Variants in METTL6 observed in about 807,000 individuals in gnomAD.
METTL6 encodes the protein tRNA N(3)-cytidine methyltransferase METTL6.
METTL6 carries 22 observed loss-of-function variants against 26.4 expected under a neutral mutation model. That is an observed-to-expected ratio of 0.83 (90% confidence interval 0.59 to 1.19). The LOEUF (loss-of-function observed/expected upper bound fraction) is 1.19. METTL6 is among the 50% of genes most tolerant of loss of function. METTL6 has a pLI of 0.00. For missense variants in METTL6, 304 were observed against 324.8 expected (o/e 0.94, Z 0.49); for synonymous variants, 109 against 116.2 (o/e 0.94, Z 0.40).
exon 7 of METTL6, chr3:15,383,379 T>A (rs1157714509): frequency 1.3e-5 from 2 of 151,988 alleles, no homozygotes; most frequent in East Asian, 3.9e-4. Flanking sequence ...ATAATGAATT[T>A]TTTAAATTAC....
chr3:15,415,089 C>A (rs1042968689), intron 4 of METTL6, among the ~76,000 whole-genome samples: 5 of 152,186 alleles, frequency 3.3e-5, no homozygotes, highest in African/African-American at 1.2e-4. Flanking sequence ...CGTTTTGGCT[C>A]TTTACTGATT....
At chr3:15,420,005 G>A (rs1162128707) in intron 3 of METTL6, among the ~76,000 whole-genome samples, 1 of 151,898 alleles carries the variant, frequency 6.6e-6, no homozygotes, top group Non-Finnish European at 1.5e-5. Context: ...GGGACTACAG[G>A]CGCCCGCCAC....
In METTL6 at chr3:15,415,778, A is replaced by T; in HGVS notation, c.525T>A (p.Ile175=). 6.2e-7 allele frequency: 1 copy of T among 1,613,606 alleles called. No homozygotes were observed. Among genetic ancestry groups the T allele is most frequent in the South Asian group, 1.1e-5 (1 of 90,912 alleles). ...PDKMHLVLQN[I]YKVLKPGKSV... ...CAGGCCCCAAATCACTAACCTTGTA[A>T]ATGTTTTGTAAGACAAGGTGCATCT... The change falls in exon 4 of 6, where the codon ATT becomes ATA. Residue 175 remains isoleucine, a synonymous_variant. Transcript: ENST00000383790.
At chr3:15,403,152 A>AT (rs992138353) in intron 6 of METTL6, among the ~76,000 whole-genome samples, 1 of 152,064 alleles carries the variant, frequency 6.6e-6, no homozygotes, top group Admixed American at 6.6e-5. Context: ...GGCTTTTAAA[A>AT]TTTTTTTGTA....
At chr3:15,396,805 T>C (rs1374541487) in intron 6 of METTL6, among the ~76,000 whole-genome samples, 5 of 152,174 alleles carry the variant, frequency 3.3e-5, no homozygotes, top group Admixed American at 2.6e-4. Flanking sequence ...ACAGTGGATA[T>C]TGGTGAACAG....
chr3:15,384,315 T>TAA, intron 6 of METTL6: 4 of 207,142 alleles, frequency 1.9e-5, no homozygotes, highest in South Asian at 5.3e-5. Context: ...AGCTCCGCAT[T>TAA]AAAAAAAAAT....
intron 6 of METTL6, chr3:15,384,379 T>G: frequency 5.7e-6 from 1 of 175,792 alleles, no homozygotes; most frequent in Non-Finnish European, 1.2e-5. Flanking sequence ...CTAATAAAGA[T>G]AGAGACCAAA....
At chr3:15,385,018 T>C (rs1256678252) in intron 6 of METTL6, among the ~76,000 whole-genome samples, 1 of 152,180 alleles carries the variant, frequency 6.6e-6, no homozygotes, top group Non-Finnish European at 1.5e-5. Flanking sequence ...GCAAAATTTA[T>C]CAGGTCCAGA....
In METTL6 at chr3:15,392,673, A is replaced by G. The variant is rs142802919; in HGVS notation, c.*12-8486T>C. Among the ~76,000 whole-genome samples, 688 of 152,354 alleles carry G rather than the reference A, an allele frequency of 4.5e-3. 2 individuals carry two copies. Among genetic ancestry groups the G allele is most frequent in the Non-Finnish European group, 8.4e-3 (569 of 68,030 alleles). ...TAATCCATCTTGAATTAATTTTAGT[A>G]TAAGGAATAAGGAAGGGATCCAGTT... On this transcript the variant is annotated intron_variant, in intron 6 of 6. Transcript: ENST00000443029.
intron 6 of METTL6, among the ~76,000 whole-genome samples, chr3:15,389,506 G>A (rs1472692968): frequency 1.3e-4 from 20 of 151,910 alleles, no homozygotes; most frequent in African/African-American, 4.6e-4. Context: ...CATATATTGG[G>A]GTGAGGTTGC....
intron 6 of METTL6, among the ~76,000 whole-genome samples, chr3:15,389,949 C>A (rs1289874271): frequency 6.7e-6 from 1 of 150,158 alleles, no homozygotes; most frequent in Non-Finnish European, 1.5e-5. Context: ...AACTCTTGGG[C>A]TCAAGGGATC....
chr3:15,388,291 A>G (rs756950353), intron 6 of METTL6, among the ~76,000 whole-genome samples: 1 of 152,032 alleles, frequency 6.6e-6, no homozygotes, highest in Non-Finnish European at 1.5e-5. Context: ...TTGTATTTTT[A>G]GCAGAGACGG....
chr3:15,386,885 C>T lies in METTL6; in HGVS notation c.*12-2698G>A, dbSNP rs573625927. 1.1e-4 allele frequency among the ~76,000 whole-genome samples: 16 copies of T among 152,092 alleles called. No individual in the cohort carries two copies. In the South Asian group the frequency reaches 2.5e-3, roughly 24 times the overall value. ...CTCAGCTCACTGAAACCTCTGCCTC[C>T]CAGGTTCAAGCGATTCTCCAGCCTT... On this transcript the variant is annotated intron_variant, in intron 6 of 6. Coordinates refer to the METTL6 transcript ENST00000443029.
intron 6 of METTL6, among the ~76,000 whole-genome samples, chr3:15,386,785 C>T (rs149930413): frequency 0.013 from 1,906 of 151,384 alleles, 28 homozygotes; most frequent in Middle Eastern, 0.051. Context: ...TACCAGTTTT[C>T]GGTGTTTCCT....
downstream of METTL6, among the ~76,000 whole-genome samples, chr3:15,406,585 G>C (rs1699791510): frequency 4.5e-5 from 1 of 22,028 alleles, no homozygotes; most frequent in Non-Finnish European, 8.2e-5. Context: ...AAAACAAACA[G>C]TTATATATAT....
chr3:15,391,658 C>T (rs1699351629), intron 6 of METTL6, among the ~76,000 whole-genome samples: 1 of 122,032 alleles, frequency 8.2e-6, no homozygotes, highest in Non-Finnish European at 1.7e-5. Flanking sequence ...CTCCCCCCAC[C>T]CCACAATAGG....
Position 15,414,013 on chromosome 3 carries a change from C to T in METTL6, c.673+8G>A, listed in dbSNP as rs1324994193. The T allele has an allele frequency of 7.4e-6, 12 of 1,613,754 alleles. No individual in the cohort carries two copies. The highest frequency in any genetic ancestry group is 1.0e-5 in the Non-Finnish European group (12 of 1,179,944). ...AAACATTTAAAGACTGGATTCCATTCATCTTACCATCAGTAAAAAAATATG... is the reference window on the plus strand; with the variant it reads ...AAACATTTAAAGACTGGATTCCATTTATCTTACCATCAGTAAAAAAATATG... On this transcript the variant is annotated splice_region_variant and intron_variant, in intron 5 of 5. Transcript: ENST00000383790.
At chr3:15,406,622 A>C (rs1559485675), downstream of METTL6, among the ~76,000 whole-genome samples, 1 of 99,412 alleles carries the variant, frequency 1.0e-5, no homozygotes, top group Non-Finnish European at 1.9e-5. Flanking sequence ...ATATATATAT[A>C]TATATATAGA....
intron 3 of METTL6, 89 bp downstream of exon 3, chr3:15,424,866 T>A: frequency 6.4e-7 from 1 of 1,569,532 alleles, no homozygotes; most frequent in South Asian, 1.1e-5. Context: ...CAGGGAAGAC[T>A]AGAATTGGGC....
Sources: gnomAD v4.1 joint callset for allele counts (sites outside exome capture counted in the v4.1 genomes callset) on GRCh38, gnomAD v4.1.1 for gene constraint, MANE v1.5 for transcripts, NCBI Gene and HGNC (gene_info 2026-07-23, HGNC 2026-07-21) for gene names.